Variants in TCAIM observed in about 807,000 individuals in gnomAD.
TCAIM encodes the protein T-cell activation inhibitor, mitochondrial.
Under a neutral mutation model 58.6 loss-of-function variants are expected in TCAIM, and 36 were observed. The ratio of observed to expected loss-of-function variants is 0.61; its 90% CI spans 0.47 to 0.81. The LOEUF (loss-of-function observed/expected upper bound fraction) is 0.81. TCAIM is among the 30% of genes least tolerant of loss of function. The probability of loss-of-function intolerance (pLI) is 0.00; values close to 1 mark genes in which losing one functional copy is unlikely to be tolerated. For synonymous variants in TCAIM, 172 were observed against 193.6 expected (o/e 0.89, Z 0.93); for missense variants, 466 against 579.6 (o/e 0.80, Z 2.01).
intron 5 of TCAIM, among the ~76,000 whole-genome samples, chr3:44,371,865 G>A (rs765261716): frequency 6.3e-4 from 96 of 152,138 alleles, no homozygotes; most frequent in Non-Finnish European, 1.2e-3. Flanking sequence ...TTCAATTACA[G>A]TTGACCCTTG....
rs183288973 is a variant in TCAIM, at chr3:44,400,332, C to A, written c.886-23C>A. 2.8e-5 allele frequency: 43 copies of A among 1,554,392 alleles called. No homozygotes were observed. The East Asian group carries it at 8.3e-4, about 30-fold the overall frequency. ...TATAGTAACATAAAACTAATTATTT[C>A]TTTCCCTTTGTTAACACTGTAGCTT... On this transcript the variant is annotated intron_variant, in intron 8 of 10. Transcript: ENST00000342649.
At chr3:44,346,104 A>G (rs1353750266) in intron 1 of TCAIM, among the ~76,000 whole-genome samples, 1 of 149,874 alleles carries the variant, frequency 6.7e-6, no homozygotes. Context: ...GGCAAGTGGT[A>G]AAAGTATTGT....
chr3:44,384,059 T>G (rs1326932579), intron 5 of TCAIM, among the ~76,000 whole-genome samples: 1 of 152,178 alleles, frequency 6.6e-6, no homozygotes, highest in Non-Finnish European at 1.5e-5. Flanking sequence ...TCTGGCTTAC[T>G]TGGTATTTTA....
intron 5 of TCAIM, among the ~76,000 whole-genome samples, chr3:44,385,940 T>A (rs1004784239): frequency 1.3e-5 from 2 of 152,202 alleles, no homozygotes; most frequent in African/African-American, 4.8e-5. Flanking sequence ...TCTCTACAAT[T>A]ATTTTTTTTC....
intron 5 of TCAIM, among the ~76,000 whole-genome samples, chr3:44,379,732 GGA>G (rs1450811709): frequency 1.3e-5 from 2 of 152,048 alleles, no homozygotes; most frequent in Non-Finnish European, 2.9e-5. Flanking sequence ...GAGCGGGGAG[GGA>G]GAGAGAGGGG....
chr3:44,345,136 G>C (rs1013232933), intron 1 of TCAIM, among the ~76,000 whole-genome samples: 2 of 152,112 alleles, frequency 1.3e-5, no homozygotes, highest in African/African-American at 4.8e-5. Context: ...TCTCAGGGCT[G>C]CTTCGAGCAG....
At chr3:44,355,082 C>T (rs555318773) in intron 2 of TCAIM, among the ~76,000 whole-genome samples, 1 of 152,268 alleles carries the variant, frequency 6.6e-6, no homozygotes, top group East Asian at 1.9e-4. Flanking sequence ...ACACAATTCA[C>T]TTTATGGTAT....
intron 4 of TCAIM, among the ~76,000 whole-genome samples, chr3:44,366,432 C>T (rs1184890453): frequency 2.7e-5 from 4 of 149,810 alleles, no homozygotes; most frequent in East Asian, 2.0e-4. Flanking sequence ...GGATTACAGG[C>T]GCCCACCACT....
At chr3:44,374,299 T>A (rs1701529866) in intron 5 of TCAIM, among the ~76,000 whole-genome samples, 1 of 151,276 alleles carries the variant, frequency 6.6e-6, no homozygotes, top group South Asian at 2.1e-4. Flanking sequence ...TTTTTTTTTT[T>A]TTATTTTAAC....
At chr3:44,390,848 G>A (rs1350315099) in intron 5 of TCAIM, among the ~76,000 whole-genome samples, 1 of 152,136 alleles carries the variant, frequency 6.6e-6, no homozygotes, top group Non-Finnish European at 1.5e-5. Context: ...GGTTTTCCTG[G>A]AGTTTTCTCT....
intron 10 of TCAIM, among the ~76,000 whole-genome samples, chr3:44,406,650 T>C (rs557197554): frequency 4.6e-5 from 7 of 152,348 alleles, no homozygotes; most frequent in African/African-American, 1.7e-4. Flanking sequence ...GGTGATTAAA[T>C]GTAAGATATT....
rs191325517 is a variant in TCAIM, at chr3:44,347,452, A to G, written c.-44-7287A>G. ...GACTGATGGATGTCAGGGTCAGTCC[A>G]GGTAAAAGCAAAGGGGCTGGGAGGA... is the stretch of plus-strand genomic sequence containing the variant. On this transcript the variant is annotated intron_variant, in intron 1 of 10. Transcript: ENST00000342649. Among the ~76,000 whole-genome samples the G allele has an allele frequency of 7.0e-4, 107 of 152,320 alleles. 1 individual carries two copies. Among genetic ancestry groups the G allele is most frequent in the African/African-American group, 2.3e-3 (95 of 41,580 alleles).
At chr3:44,399,129 C>T (rs757056034) in intron 8 of TCAIM, among the ~76,000 whole-genome samples, 2 of 152,054 alleles carry the variant, frequency 1.3e-5, no homozygotes, top group Non-Finnish European at 2.9e-5. Context: ...AATGAATACA[C>T]GTGTGAAAAA....
At position 44,348,050 on chromosome 3, in the gene TCAIM, A is replaced by G. The variant is rs572288580; in HGVS notation, c.-44-6689A>G. ...TAACTAAAAAGTAGTGCATAAAAGA[A>G]TATTGTCCAAGTTGGCACCAGAGTT... On this transcript the variant is annotated intron_variant, in intron 1 of 10. Coordinates refer to ENST00000342649, the MANE Select transcript of TCAIM (RefSeq NM_173826.4). Among the ~76,000 whole-genome samples, 15 of 152,310 alleles carry G rather than the reference A, an allele frequency of 9.8e-5. No homozygotes were observed. The East Asian group carries it at 2.3e-3, about 24-fold the overall frequency.
chr3:44,348,897 T>C (rs1701028542), intron 1 of TCAIM, among the ~76,000 whole-genome samples: 2 of 152,174 alleles, frequency 1.3e-5, no homozygotes, highest in Admixed American at 1.3e-4. Context: ...AGCATTAACC[T>C]TGACTATGCC....
chr3:44,354,866 T>C (rs1162454279), intron 2 of TCAIM, 55 bp downstream of exon 2: 2 of 1,563,532 alleles, frequency 1.3e-6, no homozygotes, highest in Admixed American at 2.0e-5. Context: ...AGGTCTGTTA[T>C]GCATTTGGTT....
chr3:44,401,480 C>T, intron 10 of TCAIM, 146 bp downstream of exon 10: 1 of 1,055,462 alleles, frequency 9.5e-7, no homozygotes, highest in South Asian at 2.1e-5. Context: ...TTATTTCTTC[C>T]CTACCTAAAT....
intron 4 of TCAIM, chr3:44,362,818 A>G (rs1215765316): frequency 6.2e-6 from 1 of 162,572 alleles, no homozygotes; most frequent in African/African-American, 2.4e-5. Context: ...CTCATAAGCA[A>G]CTGAGATAGA....
chr3:44,391,184 CT>C (rs768241564), intron 5 of TCAIM: 228 of 145,794 alleles, frequency 1.6e-3, no homozygotes, highest in Non-Finnish European at 2.1e-3. Context: ...TCCTTAAAGA[CT>C]TTTTTTTTTT....
Sources: allele counts gnomAD v4.1 joint callset (sites outside exome capture counted in the v4.1 genomes callset), GRCh38; gene constraint gnomAD v4.1.1; transcripts MANE v1.5; gene names NCBI Gene and HGNC (gene_info 2026-07-23, HGNC 2026-07-21).